Variants in MEGF11 observed in about 807,000 individuals in gnomAD.
The protein encoded by MEGF11 is multiple EGF like domains 11.
Under a neutral mutation model 146.6 loss-of-function variants are expected in MEGF11, and 126 were observed. The ratio of observed to expected loss-of-function variants is 0.86; its 90% CI spans 0.74 to 1.00. The LOEUF (loss-of-function observed/expected upper bound fraction) is 1.00. Ranked by LOEUF, MEGF11 falls within the 50% of genes least tolerant of loss-of-function variation. The pLI is 0.00. For missense variants in MEGF11, 1,509 were observed against 1,521.2 expected, an observed-to-expected ratio of 0.99 and a Z score of 0.13; for synonymous variants, 532 against 583.4, an observed-to-expected ratio of 0.91 and a Z score of 1.27.
chr15:66,081,568 G>A (rs564334731), intron 5 of MEGF11, among the ~76,000 whole-genome samples: 19 of 152,188 alleles, frequency 1.2e-4, no homozygotes, highest in African/African-American at 4.6e-4. Flanking sequence ...TAGTAGAGAC[G>A]GGGTTTCACC....
At chr15:65,999,118 C>T (rs2082283934) in intron 5 of MEGF11, among the ~76,000 whole-genome samples, 1 of 151,624 alleles carries the variant, frequency 6.6e-6, no homozygotes, top group Non-Finnish European at 1.5e-5. Flanking sequence ...AGACACAGCT[C>T]ACTGTAGCCT....
chr15:66,055,874 G>A (rs1163208785), intron 5 of MEGF11, among the ~76,000 whole-genome samples: 1 of 152,120 alleles, frequency 6.6e-6, no homozygotes, highest in Admixed American at 6.5e-5. Context: ...AGACTGGCCA[G>A]GATAAAAAAG....
chr15:66,113,226 T>TG (rs2087530225), intron 4 of MEGF11, among the ~76,000 whole-genome samples: 1 of 152,090 alleles, frequency 6.6e-6, no homozygotes, highest in African/African-American at 2.4e-5. Context: ...CTCCTAGGGT[T>TG]GGCACAGTCC....
chr15:66,059,092 A>G (rs1214486637), intron 5 of MEGF11, among the ~76,000 whole-genome samples: 1 of 152,090 alleles, frequency 6.6e-6, no homozygotes, highest in Non-Finnish European at 1.5e-5. Context: ...CATCCCCCCT[A>G]GTTACCCTGG....
intron 7 of MEGF11, among the ~76,000 whole-genome samples, chr15:65,973,377 T>C (rs2081357485): frequency 6.6e-6 from 1 of 152,176 alleles, no homozygotes; most frequent in Non-Finnish European, 1.5e-5. Flanking sequence ...CTGACCTTAT[T>C]GAGAGGAGTT....
intron 5 of MEGF11, among the ~76,000 whole-genome samples, chr15:66,046,745 C>G (rs1396454027): frequency 1.3e-5 from 2 of 152,216 alleles, no homozygotes; most frequent in East Asian, 3.8e-4. Flanking sequence ...CCTCAATACC[C>G]AGCCAAGCCT....
intron 25 of MEGF11, chr15:65,898,503 C>CA: frequency 1.0e-6 from 1 of 985,328 alleles, no homozygotes; most frequent in Non-Finnish European, 1.2e-6. Flanking sequence ...GTATTTGTTT[C>CA]ATATTAGTCC....
chr15:66,206,884 CAG>C (rs1453409946), intron 1 of MEGF11, among the ~76,000 whole-genome samples: 1 of 152,094 alleles, frequency 6.6e-6, no homozygotes, highest in East Asian at 1.9e-4. Context: ...GCTTGGGCAA[CAG>C]AGAGAGACTT....
At chr15:65,981,293 A>C (rs1410376795) in intron 6 of MEGF11, among the ~76,000 whole-genome samples, 2 of 152,234 alleles carry the variant, frequency 1.3e-5, no homozygotes. Context: ...AGAAGTGCTC[A>C]TGGATCCCAT....
chr15:66,208,986 A>G (rs551606985), intron 1 of MEGF11, among the ~76,000 whole-genome samples: 47 of 152,258 alleles, frequency 3.1e-4, no homozygotes, highest in African/African-American at 1.1e-3. Flanking sequence ...AAACTATATC[A>G]CTCATACATT....
intron 10 of MEGF11, among the ~76,000 whole-genome samples, chr15:65,953,712 C>T (rs1369199509): frequency 6.6e-6 from 1 of 152,036 alleles, no homozygotes; most frequent in Non-Finnish European, 1.5e-5. Flanking sequence ...AACAGGATTC[C>T]ACTTCCAATG....
At chr15:66,191,059 G>C (rs1373643047) in intron 1 of MEGF11, among the ~76,000 whole-genome samples, 1 of 152,090 alleles carries the variant, frequency 6.6e-6, no homozygotes, top group East Asian at 1.9e-4. Flanking sequence ...TTCCAGGGAT[G>C]GAAGAAAAGC....
intron 23 of MEGF11, 21 bp from the exon 24 acceptor site, chr15:65,906,162 A>G: frequency 5.7e-6 from 9 of 1,592,294 alleles, no homozygotes; most frequent in Non-Finnish European, 7.7e-6. Context: ...ATAACATGTA[A>G]GGAAAGAAAA....
chr15:65,934,031 C>T (rs1305644654), intron 10 of MEGF11, among the ~76,000 whole-genome samples: 2 of 152,256 alleles, frequency 1.3e-5, no homozygotes, highest in East Asian at 1.9e-4. Context: ...TGGGCTGGCT[C>T]CCTGTTCCCC....
At chr15:66,162,003 G>A (rs1165800460) in intron 1 of MEGF11, among the ~76,000 whole-genome samples, 1 of 152,196 alleles carries the variant, frequency 6.6e-6, no homozygotes, top group Admixed American at 6.5e-5. Flanking sequence ...CTACTACAGA[G>A]GAGCCAATCT....
chr15:65,972,782 A>C (rs1449605620), intron 7 of MEGF11, among the ~76,000 whole-genome samples: 2 of 152,220 alleles, frequency 1.3e-5, no homozygotes, highest in East Asian at 3.8e-4. Context: ...AACCTTCCAT[A>C]AACACTTTCT....
chr15:65,967,951 C>T (rs2081165689), intron 8 of MEGF11, among the ~76,000 whole-genome samples: 1 of 152,184 alleles, frequency 6.6e-6, no homozygotes, highest in South Asian at 2.1e-4. Flanking sequence ...TCTCATCACC[C>T]TCACTTTAGA....
At chr15:66,142,935 C>A (rs915403673) in intron 1 of MEGF11, among the ~76,000 whole-genome samples, 6 of 152,166 alleles carry the variant, frequency 3.9e-5, no homozygotes, top group African/African-American at 9.7e-5. Flanking sequence ...CTTCTCTAGG[C>A]CTTAGCTTCC....
At chr15:66,213,614 G>A (rs376476228) in intron 1 of MEGF11, among the ~76,000 whole-genome samples, 5 of 148,780 alleles carry the variant, frequency 3.4e-5, no homozygotes, top group South Asian at 2.1e-4. Flanking sequence ...AGGGGGTCTC[G>A]CCATGTCGCC....
Sources: gnomAD v4.1 joint callset for allele counts (sites outside exome capture counted in the v4.1 genomes callset) on GRCh38, gnomAD v4.1.1 for gene constraint, MANE v1.5 for transcripts, NCBI Gene and HGNC (gene_info 2026-07-23, HGNC 2026-07-21) for gene names.